The following OR6B3 variants were observed in gnomAD, a reference collection of about 807,000 sequenced individuals.
OR6B3 encodes the protein olfactory receptor 6B3.
For synonymous variants in OR6B3, 148 were observed against 187.8 expected, an observed-to-expected ratio of 0.79 and a Z score of 1.73; for missense variants, 315 against 427.4, an observed-to-expected ratio of 0.74 and a Z score of 2.32.
upstream of OR6B3, among the ~76,000 whole-genome samples, chr2:240,051,567 C>T (rs910789878): frequency 2.0e-5 from 3 of 152,250 alleles, no homozygotes; most frequent in Admixed American, 6.5e-5. Context: ...ATTCCTGATA[C>T]GAAAGCCTGA....
upstream of OR6B3, among the ~76,000 whole-genome samples, chr2:240,048,638 G>A (rs974939209): frequency 1.1e-4 from 16 of 152,260 alleles, no homozygotes; most frequent in African/African-American, 2.2e-4. Flanking sequence ...TCCACAAGCC[G>A]TAGGGGAATG....
downstream of OR6B3, chr2:240,045,030 T>C: frequency 6.6e-7 from 1 of 1,504,818 alleles, no homozygotes. Flanking sequence ...GAAGTAATTT[T>C]TAAATAAATG....
At chr2:240,053,442 C>T in the OR6B3 span, among the ~76,000 whole-genome samples, 1 of 152,206 alleles carries the variant, frequency 6.6e-6, no homozygotes, top group Non-Finnish European at 1.5e-5. The surrounding 1 kb of genome is among the most constrained non-coding windows in gnomAD (Gnocchi z 4.1). Flanking sequence ...GCACCTGCCC[C>T]GTCTGCCCAC....
the OR6B3 span, among the ~76,000 whole-genome samples, chr2:240,052,124 T>C: frequency 1.3e-5 from 2 of 152,224 alleles, no homozygotes; most frequent in Non-Finnish European, 2.9e-5. The surrounding 1 kb of genome is among the most constrained non-coding windows in gnomAD (Gnocchi z 4.5). Flanking sequence ...ATATCAAAAA[T>C]GTAGTCTTCC....
upstream of OR6B3, among the ~76,000 whole-genome samples, chr2:240,050,696 A>G (rs1025035467): frequency 6.7e-6 from 1 of 149,144 alleles, no homozygotes; most frequent in African/African-American, 2.5e-5. Context: ...CCTGGGTGAC[A>G]GAGTAAGACT....
rs200902733 is a variant in OR6B3 at position 240,045,742 on chromosome 2, C to T, written c.331G>A (p.Glu111Lys). ...GCCATGGAGGCCAGAAGCACACACT[C>T]GGTGCACACCAGGGAGCTGAAGAAG... Residue 111 changes from glutamate to lysine, a missense_variant, in exon 2 of 2, where the codon GAG becomes AAG. Coordinates refer to ENST00000641019, the Ensembl canonical transcript of OR6B3. 146 of 1,379,390 alleles carry T rather than the reference C, an allele frequency of 1.1e-4. No individual in the cohort carries two copies. The highest frequency in any genetic ancestry group is 1.0e-3 in the East Asian group (45 of 43,542). 85.4% of individuals were successfully genotyped at this position (1,379,390 alleles called of 1,614,324 possible).
At chr2:240,051,609 G>A (rs534138839), upstream of OR6B3, among the ~76,000 whole-genome samples, 28 of 152,260 alleles carry the variant, frequency 1.8e-4, no homozygotes, top group African/African-American at 6.3e-4. Flanking sequence ...ACTATGTATC[G>A]ATTATTTTTT....
rs1698163861 is a variant in OR6B3, at chr2:240,045,235, CTG to C, written c.836_837del (p.Thr279SerfsTer16). 2 of 1,614,112 alleles carry C rather than the reference CTG, an allele frequency of 1.2e-6. No individual in the cohort carries two copies. Among genetic ancestry groups the C allele is most frequent in the East Asian group, 2.2e-5 (1 of 44,900 alleles). On this transcript the variant is annotated frameshift_variant, in exon 2 of 2. Coordinates refer to ENST00000641019, the Ensembl canonical transcript of OR6B3. LOFTEE classifies it low-confidence loss of function (END_TRUNC). The stretch of plus-strand genomic sequence containing the variant: ...AAGGGGTTCAAGATGGGGGTGATAA[CTG>C]TGTACAAAACAGAGATGAGCTTGTT...
the OR6B3 span, among the ~76,000 whole-genome samples, chr2:240,053,134 C>A: frequency 6.6e-6 from 1 of 152,182 alleles, no homozygotes; most frequent in Non-Finnish European, 1.5e-5. This position sits in a 1 kb window ranked among gnomAD's most constrained non-coding sequence, Gnocchi z 4.1. Context: ...TATGGTGGGG[C>A]AGACCGAGAA....
intron 1 of OR6B3, among the ~76,000 whole-genome samples, chr2:240,046,504 C>G (rs1020053434): frequency 5.3e-5 from 8 of 152,160 alleles, no homozygotes; most frequent in Admixed American, 5.2e-4. Flanking sequence ...CTGACGCATT[C>G]TTTCTAAATT....
upstream of OR6B3, among the ~76,000 whole-genome samples, chr2:240,047,247 A>G (rs1048692932): frequency 1.3e-5 from 2 of 152,226 alleles, no homozygotes; most frequent in African/African-American, 4.8e-5. Context: ...ACCTAAAGCA[A>G]ATATTTAAAT....
upstream of OR6B3, among the ~76,000 whole-genome samples, chr2:240,047,720 G>A (rs571364944): frequency 2.6e-4 from 39 of 152,278 alleles, no homozygotes; most frequent in East Asian, 1.9e-4. Context: ...AATTCAATAA[G>A]TCAACATTTT....
At chr2:240,052,591 A>C in the OR6B3 span, among the ~76,000 whole-genome samples, 1 of 151,988 alleles carries the variant, frequency 6.6e-6, no homozygotes, top group Non-Finnish European at 1.5e-5. This position sits in a 1 kb window ranked among gnomAD's most constrained non-coding sequence, Gnocchi z 4.5. Flanking sequence ...CATGCTAAAA[A>C]CCAACCGGGT....
chr2:240,050,536 G>A (rs760416018), upstream of OR6B3, among the ~76,000 whole-genome samples: 14 of 151,950 alleles, frequency 9.2e-5, no homozygotes, highest in Non-Finnish European at 1.5e-4. Flanking sequence ...CCAACGTGGC[G>A]AAACCTGTCT....
At chr2:240,052,743 C>G in the OR6B3 span, among the ~76,000 whole-genome samples, 1 of 152,218 alleles carries the variant, frequency 6.6e-6, no homozygotes, top group Non-Finnish European at 1.5e-5. The surrounding 1 kb of genome is among the most constrained non-coding windows in gnomAD (Gnocchi z 4.5). Flanking sequence ...GGGCCCGACA[C>G]GCATAGCCTG....
chr2:240,050,437 G>A (rs149990865), upstream of OR6B3, among the ~76,000 whole-genome samples: 1,409 of 152,292 alleles, frequency 9.3e-3, 12 homozygotes, highest in Non-Finnish European at 0.013. Flanking sequence ...GACAGGGGCC[G>A]GGCGCAGTGG....
At chr2:240,053,043 T>C in the OR6B3 span, among the ~76,000 whole-genome samples, 6 of 152,150 alleles carry the variant, frequency 3.9e-5, no homozygotes, top group Non-Finnish European at 7.4e-5. This position sits in a 1 kb window ranked among gnomAD's most constrained non-coding sequence, Gnocchi z 4.1. Context: ...CTTCCGGTGA[T>C]CCGCCCACCT....
At chr2:240,049,845 T>A (rs1698233691), upstream of OR6B3, among the ~76,000 whole-genome samples, 2 of 152,100 alleles carry the variant, frequency 1.3e-5, no homozygotes, top group Admixed American at 1.3e-4. Flanking sequence ...TGGGAAAGGA[T>A]AAGATTGTAA....
chr2:240,046,140 C>G (rs1698185790), intron 1 of OR6B3, 43 bp from the exon 3 acceptor site: 3 of 1,392,116 alleles, frequency 2.2e-6, no homozygotes, highest in Non-Finnish European at 3.0e-6. Context: ...TGCAGGGAAG[C>G]TGGGGCAGAG....
Sources: allele counts gnomAD v4.1 joint callset (sites outside exome capture counted in the v4.1 genomes callset), GRCh38; gene constraint gnomAD v4.1.1; non-coding constraint Gnocchi (gnomAD v3.1); transcripts MANE v1.5; gene names NCBI Gene and HGNC (gene_info 2026-07-23, HGNC 2026-07-21).